Variants in ZNF345 observed in about 807,000 individuals in gnomAD.
ZNF345 encodes zinc finger protein HZF10.
For missense variants in ZNF345, 527 were observed against 589.9 expected (o/e 0.89, Z 1.10); for synonymous variants, 166 against 187.9 (o/e 0.88, Z 0.95).
intron 2 of ZNF345, among the ~76,000 whole-genome samples, chr19:36,861,737 T>A (rs1233063229): frequency 6.6e-6 from 1 of 152,056 alleles, no homozygotes; most frequent in Non-Finnish European, 1.5e-5. Context: ...ATTTTTTGTA[T>A]TTTTAGTAGA....
intron 3 of ZNF345, among the ~76,000 whole-genome samples, chr19:36,885,420 T>C (rs181399724): frequency 3.9e-5 from 6 of 152,078 alleles, no homozygotes; most frequent in South Asian, 4.2e-4. Flanking sequence ...GTTTGCTAGA[T>C]ATGTATGTTG....
At chr19:36,859,460 A>G (rs1455820125) in intron 2 of ZNF345, among the ~76,000 whole-genome samples, 1 of 150,778 alleles carries the variant, frequency 6.6e-6, no homozygotes, top group Non-Finnish European at 1.5e-5. Flanking sequence ...CCAGACTTTT[A>G]TGTTTTATTT....
intron 2 of ZNF345, among the ~76,000 whole-genome samples, chr19:36,871,200 C>T (rs1262999735): frequency 6.6e-6 from 1 of 152,178 alleles, no homozygotes; most frequent in Non-Finnish European, 1.5e-5. Flanking sequence ...CCTCTGGGTA[C>T]TCTTTTTTAA....
chr19:36,876,728 G>A lies in ZNF345; in HGVS notation c.-46-57G>A, dbSNP rs1046647854. On this transcript the variant is annotated intron_variant, in intron 2 of 2. Transcript: ENST00000420450. ...TAAGTCTTTCGTATCTATTATAAAC[G>A]TTTAATCTCTCCCAGAACACAAAAA... is the stretch of plus-strand genomic sequence containing the variant. 3.4e-5 allele frequency: 41 copies of A among 1,197,080 alleles called. 1 individual carries two copies. The highest frequency in any genetic ancestry group is 5.7e-4 in the Middle Eastern group (2 of 3,506). The allele number at this position is 1,197,080 out of a possible 1,614,324, so 74.2% of individuals were successfully genotyped here.
chr19:36,871,457 T>A (rs1045343121), intron 2 of ZNF345, among the ~76,000 whole-genome samples: 1 of 152,220 alleles, frequency 6.6e-6, no homozygotes, highest in Non-Finnish European at 1.5e-5. Context: ...TGAAAATATG[T>A]TGGGGACATC....
intron 2 of ZNF345, among the ~76,000 whole-genome samples, chr19:36,852,520 T>G (rs1395314606): frequency 6.6e-6 from 1 of 150,900 alleles, no homozygotes; most frequent in Non-Finnish European, 1.5e-5. Context: ...CTGAGGAGAA[T>G]CGCTTGAACC....
At chr19:36,890,730 C>A (rs566956525) in intron 3 of ZNF345, 1 of 151,442 alleles carries the variant, frequency 6.6e-6, no homozygotes, top group South Asian at 2.1e-4. Context: ...GTGGCGCATG[C>A]CTGTAATCCC....
At chr19:36,852,629 A>AT (rs2072309174) in intron 2 of ZNF345, among the ~76,000 whole-genome samples, 1 of 151,712 alleles carries the variant, frequency 6.6e-6, no homozygotes, top group Non-Finnish European at 1.5e-5. Flanking sequence ...AAAAGTGCTA[A>AT]TAGGTAGGGT....
At chr19:36,871,346 ACTCTATC>A (rs1242347799) in intron 2 of ZNF345, among the ~76,000 whole-genome samples, 2 of 151,788 alleles carry the variant, frequency 1.3e-5, no homozygotes, top group Admixed American at 1.3e-4. Flanking sequence ...AAACATTCAG[ACTCTATC>A]ATCCATCACC....
At chr19:36,852,045 A>G (rs1015451389) in intron 2 of ZNF345, 141 bp downstream of exon 2, 1 of 151,952 alleles carries the variant, frequency 6.6e-6, no homozygotes, top group African/African-American at 2.4e-5. Context: ...GGTGTCTTCA[A>G]ACCCCACCTC....
chr19:36,864,246 C>G (rs576962586), intron 2 of ZNF345, among the ~76,000 whole-genome samples: 1 of 152,290 alleles, frequency 6.6e-6, no homozygotes, highest in East Asian at 1.9e-4. Flanking sequence ...AGCCATTGAT[C>G]GGGCATGATG....
chr19:36,875,105 C>G (rs1417408441), intron 2 of ZNF345, among the ~76,000 whole-genome samples: 1 of 151,982 alleles, frequency 6.6e-6, no homozygotes, highest in South Asian at 2.1e-4. Context: ...TAGATATTAT[C>G]TTTGTCTTCA....
intron 2 of ZNF345, among the ~76,000 whole-genome samples, chr19:36,857,612 T>C (rs539429265): frequency 2.0e-5 from 3 of 151,788 alleles, no homozygotes; most frequent in South Asian, 4.2e-4. Context: ...TAAATGTCAG[T>C]AAATACTTCC....
chr19:36,885,813 T>A (rs1320596076), intron 3 of ZNF345, among the ~76,000 whole-genome samples: 1 of 152,162 alleles, frequency 6.6e-6, no homozygotes, highest in African/African-American at 2.4e-5. Flanking sequence ...TGGGTCAAGT[T>A]TAATTATCAA....
Position 36,878,198 on chromosome 19 carries a change from T to C in ZNF345, c.1368T>C (p.Cys456=). Residue 456 remains cysteine, a synonymous_variant, in exon 3 of 3, where the codon TGT becomes TGC. Coordinates refer to ENST00000420450, the MANE Select transcript of ZNF345 (RefSeq NM_001242472.2). The part of the protein sequence containing the change: ...RIHTGEKLYE[C]KNCGKAYGRD... ...ATACAGGTGAGAAACTTTATGAATGTAAGAACTGTGGGAAGGCTTATGGGA... is the reference window on the plus strand; with the variant it reads ...ATACAGGTGAGAAACTTTATGAATGCAAGAACTGTGGGAAGGCTTATGGGA... 1 of 1,614,150 alleles carries C rather than the reference T, an allele frequency of 6.2e-7. No homozygotes were observed. Among genetic ancestry groups the C allele is most frequent in the Non-Finnish European group, 8.5e-7 (1 of 1,179,992 alleles).
intron 2 of ZNF345, among the ~76,000 whole-genome samples, chr19:36,855,743 C>A: frequency 1.3e-5 from 1 of 75,608 alleles, no homozygotes; most frequent in African/African-American, 5.5e-5. Flanking sequence ...TGAGCCACCG[C>A]ACCCGGCCCA....
At chr19:36,880,256 A>G (rs1462438325), downstream of ZNF345, among the ~76,000 whole-genome samples, 1 of 152,090 alleles carries the variant, frequency 6.6e-6, no homozygotes, top group African/African-American at 2.4e-5. Context: ...TGGAGGTTGC[A>G]GTGAACCAAG....
At chr19:36,891,952 CT>C (rs1177092290) in intron 3 of ZNF345, 2 of 1,613,804 alleles carry the variant, frequency 1.2e-6, no homozygotes, top group Non-Finnish European at 1.7e-6. Flanking sequence ...AAGTTGTGAA[CT>C]TTTAGTAAAG....
chr19:36,891,566 CAT>C, intron 3 of ZNF345: 1 of 1,612,522 alleles, frequency 6.2e-7, no homozygotes, highest in Non-Finnish European at 8.5e-7. Context: ...TCCTTACAGT[CAT>C]AGGGTTTCTC....
Sources: allele counts gnomAD v4.1 joint callset (sites outside exome capture counted in the v4.1 genomes callset), GRCh38; gene constraint gnomAD v4.1.1; transcripts MANE v1.5; gene names NCBI Gene and HGNC (gene_info 2026-07-23, HGNC 2026-07-21).